PLEKHA8: variants seen among roughly 807,000 people sequenced by gnomAD.
The protein encoded by PLEKHA8 is pleckstrin homology domain-containing family A member 8.
PLEKHA8 carries 36 observed loss-of-function variants against 68.2 expected under a neutral mutation model. The observed-to-expected ratio is 0.53, with a 90% CI of 0.40 to 0.70. The LOEUF (loss-of-function observed/expected upper bound fraction) is 0.70, where lower values mean the gene tolerates loss of function less well. Ranked by LOEUF, PLEKHA8 falls within the 30% of genes least tolerant of loss-of-function variation. PLEKHA8 has a pLI of 0.00. For synonymous variants in PLEKHA8, 211 were observed against 216.1 expected (o/e 0.98, Z 0.20); for missense variants, 505 against 615.4 (o/e 0.82, Z 1.90).
chr7:30,119,078 G>C (rs1238080717), intron 13 of PLEKHA8, among the ~76,000 whole-genome samples: 1 of 152,150 alleles, frequency 6.6e-6, no homozygotes, highest in Non-Finnish European at 1.5e-5. Context: ...TCATCACCTC[G>C]GGTCAGGGGA....
At chr7:30,098,227 T>A (rs1795707327) in intron 13 of PLEKHA8, among the ~76,000 whole-genome samples, 1 of 152,254 alleles carries the variant, frequency 6.6e-6, no homozygotes, top group Non-Finnish European at 1.5e-5. Context: ...GAGGTGTCAG[T>A]CTGCCCCTAC....
rs553998167 is a variant in PLEKHA8 at position 30,112,211 on chromosome 7, GAA to G, written c.1363-17053_1363-17052del. ...GCAACAACTAACGGCATAATTGACA[GAA>G]AGAGATGGAAAAAATGAGCAAATTC... is the stretch of plus-strand genomic sequence containing the variant. On this transcript the variant is annotated intron_variant, in intron 13 of 13. Coordinates refer to the PLEKHA8 transcript ENST00000396257. 3.4e-4 allele frequency among the ~76,000 whole-genome samples: 51 copies of G among 152,220 alleles called. No individual in the cohort carries two copies. In the South Asian group the frequency reaches 9.9e-3, roughly 30 times the overall value.
At chr7:30,046,742 A>G (rs1791993329) in intron 3 of PLEKHA8, among the ~76,000 whole-genome samples, 2 of 152,226 alleles carry the variant, frequency 1.3e-5, no homozygotes, top group South Asian at 4.1e-4. Context: ...ATGGTGGAGT[A>G]TCCAGTCTGT....
At chr7:30,045,846 AC>A (rs748411917) in intron 2 of PLEKHA8, among the ~76,000 whole-genome samples, 7 of 152,154 alleles carry the variant, frequency 4.6e-5, no homozygotes, top group Non-Finnish European at 8.8e-5. Flanking sequence ...TAAAAAACAT[AC>A]CCTTGTTTCT....
At chr7:30,102,129 G>T (rs1262161557) in intron 13 of PLEKHA8, among the ~76,000 whole-genome samples, 2 of 152,150 alleles carry the variant, frequency 1.3e-5, no homozygotes, top group African/African-American at 4.8e-5. Context: ...CAAAGGACTT[G>T]AATAGACATT....
chr7:30,056,750 T>G (rs1326691430), intron 9 of PLEKHA8, among the ~76,000 whole-genome samples: 2 of 96,476 alleles, frequency 2.1e-5, no homozygotes, highest in Admixed American at 1.1e-4. Flanking sequence ...AAAGTGTGTG[T>G]GTGTGTGTGT....
Position 30,061,955 on chromosome 7 carries a change from T to G in PLEKHA8, c.1157T>G (p.Val386Gly). ...GAGTTTACCACTCTCCAGAAGATAG[T>G]GCTGCACGAAGTGGAGGCGGATGTA... The part of the protein sequence containing the change: ...KEEFTTLQKI[V>G]LHEVEADVAQ... The change falls in exon 11 of 14, where the codon GTG becomes GGG. Residue 386 changes from valine to glycine, a missense_variant. Coordinates refer to ENST00000449726, the MANE Select transcript of PLEKHA8 (RefSeq NM_001197026.2). The G allele has an allele frequency of 6.2e-7, 1 of 1,614,136 alleles. No homozygotes were observed. Among genetic ancestry groups the G allele is most frequent in the Non-Finnish European group, 8.5e-7 (1 of 1,180,002 alleles).
chr7:30,095,482 T>A (rs189051204), downstream of PLEKHA8, among the ~76,000 whole-genome samples: 29 of 152,376 alleles, frequency 1.9e-4, no homozygotes, highest in East Asian at 3.3e-3. Context: ...GGTTGCCTGT[T>A]CACTCTGATG....
At chr7:30,043,465 GCCAT>G (rs907397196) in intron 1 of PLEKHA8, among the ~76,000 whole-genome samples, 2 of 152,132 alleles carry the variant, frequency 1.3e-5, no homozygotes, top group African/African-American at 4.8e-5. Flanking sequence ...AAGAGCAAAA[GCCAT>G]AGTTTAAGAA....
At chr7:30,030,629 T>A (rs1197802083) in intron 1 of PLEKHA8, among the ~76,000 whole-genome samples, 5 of 152,214 alleles carry the variant, frequency 3.3e-5, no homozygotes, top group African/African-American at 4.8e-5. Flanking sequence ...CTTGTTCCCT[T>A]AGCCCACGTG....
chr7:30,062,066 TC>T, intron 11 of PLEKHA8, 39 bp downstream of exon 11: 3 of 1,571,866 alleles, frequency 1.9e-6, no homozygotes, highest in African/African-American at 1.4e-5. Flanking sequence ...AAAATCTAGC[TC>T]AAAAAAAATT....
At chr7:30,037,000 TC>T (rs1255653429) in intron 1 of PLEKHA8, among the ~76,000 whole-genome samples, 2 of 152,126 alleles carry the variant, frequency 1.3e-5, no homozygotes, top group African/African-American at 4.8e-5. Flanking sequence ...TGTCTGGAAC[TC>T]CCCTAGAGAA....
chr7:30,063,218 C>A (rs118039545), intron 12 of PLEKHA8, among the ~76,000 whole-genome samples: 2,927 of 152,268 alleles, frequency 0.019, 44 homozygotes, highest in East Asian at 0.04. Flanking sequence ...GTCCCAGTTT[C>A]TAGTCATAAA....
intron 9 of PLEKHA8, among the ~76,000 whole-genome samples, chr7:30,060,552 T>C (rs751370885): frequency 1.3e-5 from 2 of 152,224 alleles, no homozygotes; most frequent in Non-Finnish European, 2.9e-5. Flanking sequence ...TGGTTAGTAC[T>C]AGCCACGCTG....
At chr7:30,120,659 A>C (rs780872134) in intron 13 of PLEKHA8, among the ~76,000 whole-genome samples, 9 of 152,228 alleles carry the variant, frequency 5.9e-5, no homozygotes, top group Non-Finnish European at 1.3e-4. Context: ...CTAAGAACCA[A>C]TTTTAAAGTC....
At chr7:30,116,154 A>G (rs936937008) in intron 13 of PLEKHA8, among the ~76,000 whole-genome samples, 3 of 151,544 alleles carry the variant, frequency 2.0e-5, no homozygotes, top group African/African-American at 7.3e-5. Flanking sequence ...ACGCATACAT[A>G]CACGTATACA....
chr7:30,032,147 A>G (rs1240943180), intron 1 of PLEKHA8, among the ~76,000 whole-genome samples: 1 of 152,208 alleles, frequency 6.6e-6, no homozygotes, highest in Non-Finnish European at 1.5e-5. Flanking sequence ...ACATACTTCT[A>G]AAGAAGCACT....
rs1314948477 is a variant in PLEKHA8, at chr7:30,051,245, C to G, written c.638+771C>G. Among the ~76,000 whole-genome samples the G allele has an allele frequency of 2.0e-5, 3 of 152,136 alleles. No homozygotes were observed. In the East Asian group the frequency reaches 5.8e-4, roughly 29 times the overall value. The stretch of plus-strand genomic sequence containing the variant: ...TCTCTTTATATACTATTGCTTACTT[C>G]TTTATTACAAGGATTGTTCCCAATT... On this transcript the variant is annotated intron_variant, in intron 6 of 13. Coordinates refer to ENST00000449726, the MANE Select transcript of PLEKHA8 (RefSeq NM_001197026.2).
intron 9 of PLEKHA8, among the ~76,000 whole-genome samples, chr7:30,058,647 T>C (rs1342194325): frequency 1.3e-5 from 2 of 152,186 alleles, no homozygotes; most frequent in African/African-American, 2.4e-5. Context: ...TTATGGTGTC[T>C]TAATTATTAT....
Sources: gnomAD v4.1 joint callset for allele counts (sites outside exome capture counted in the v4.1 genomes callset) on GRCh38, gnomAD v4.1.1 for gene constraint, MANE v1.5 for transcripts, NCBI Gene and HGNC (gene_info 2026-07-23, HGNC 2026-07-21) for gene names.